Variants in EPHA6 observed in about 807,000 individuals in gnomAD.
EPHA6 encodes ephrin type-A receptor 6.
EPHA6 carries 50 observed loss-of-function variants against 112.0 expected under a neutral mutation model. The ratio of observed to expected loss-of-function variants is 0.45; its 90% CI spans 0.36 to 0.56. The LOEUF (loss-of-function observed/expected upper bound fraction) is 0.56, where lower values mean the gene tolerates loss of function less well. Among genes scored for constraint, EPHA6 ranks in the 20% least tolerant of loss-of-function variants. The probability of loss-of-function intolerance (pLI) is 0.00; values close to 1 mark genes in which losing one functional copy is unlikely to be tolerated. For synonymous variants in EPHA6, 529 were observed against 490.7 expected, an observed-to-expected ratio of 1.08 and a Z score of -1.03; for missense variants, 1,280 against 1,417.4, an observed-to-expected ratio of 0.90 and a Z score of 1.56.
At chr3:97,648,056 T>C (rs2094079234) in intron 14 of EPHA6, among the ~76,000 whole-genome samples, 1 of 152,102 alleles carries the variant, frequency 6.6e-6, no homozygotes, top group Admixed American at 6.6e-5. Context: ...CAAAGCAAAA[T>C]AGAAGAATCA....
chr3:97,189,394 C>A (rs183520630), intron 3 of EPHA6, among the ~76,000 whole-genome samples: 38 of 152,022 alleles, frequency 2.5e-4, no homozygotes, highest in Admixed American at 2.4e-3. Context: ...TGAGGGTTTT[C>A]TGAAATAAAA....
At chr3:97,582,460 AT>A (rs2107292854) in intron 11 of EPHA6, among the ~76,000 whole-genome samples, 1 of 152,260 alleles carries the variant, frequency 6.6e-6, no homozygotes, top group African/African-American at 2.4e-5. Flanking sequence ...CACCATGCAC[AT>A]TTGCAGGTAG....
chr3:97,696,565 A>C (rs557942291), intron 14 of EPHA6, among the ~76,000 whole-genome samples: 1 of 152,314 alleles, frequency 6.6e-6, no homozygotes, highest in East Asian at 1.9e-4. Flanking sequence ...ATCCCTTTGA[A>C]GAAAACCTCT....
intron 3 of EPHA6, among the ~76,000 whole-genome samples, chr3:97,126,897 G>GA (rs11463537): frequency 0.48 from 60,137 of 126,148 alleles, 14,648 homozygotes; most frequent in African/African-American, 0.67. Context: ...GGGAGAAGGT[G>GA]AAAAAAAAAA....
chr3:97,095,774 A>G (rs2108244476), intron 3 of EPHA6, among the ~76,000 whole-genome samples: 1 of 152,086 alleles, frequency 6.6e-6, no homozygotes, highest in South Asian at 2.1e-4. Context: ...AATAAAAAAA[A>G]AAACAAGCAA....
intron 4 of EPHA6, among the ~76,000 whole-genome samples, chr3:97,239,392 C>T (rs1310356645): frequency 1.3e-5 from 2 of 151,856 alleles, no homozygotes; most frequent in African/African-American, 2.4e-5. Flanking sequence ...CACCAATCCA[C>T]TCCCCACTTG....
chr3:97,581,524 A>G (rs1361104680), intron 11 of EPHA6, among the ~76,000 whole-genome samples: 2 of 152,260 alleles, frequency 1.3e-5, no homozygotes, highest in Admixed American at 1.3e-4. Flanking sequence ...CTATACTGCA[A>G]GTTAAAAATG....
intron 3 of EPHA6, among the ~76,000 whole-genome samples, chr3:97,161,008 A>G (rs1011500102): frequency 6.6e-6 from 1 of 152,130 alleles, no homozygotes; most frequent in African/African-American, 2.4e-5. Context: ...AGGAGTGGGG[A>G]TCATGGGTAT....
At chr3:97,282,351 G>A (rs1162674824) in intron 5 of EPHA6, among the ~76,000 whole-genome samples, 1 of 152,162 alleles carries the variant, frequency 6.6e-6, no homozygotes, top group Non-Finnish European at 1.5e-5. Context: ...TGCCGGCGAG[G>A]CTGTGGAGAA....
intron 3 of EPHA6, among the ~76,000 whole-genome samples, chr3:97,105,870 T>C (rs1316108040): frequency 6.6e-6 from 1 of 152,128 alleles, no homozygotes; most frequent in Non-Finnish European, 1.5e-5. Context: ...GATAGTTAAG[T>C]CTTGTTGAAT....
chr3:97,684,907 G>A lies in EPHA6; in HGVS notation c.2785-35354G>A, dbSNP rs368999547. 1.8e-4 allele frequency among the ~76,000 whole-genome samples: 27 copies of A among 152,258 alleles called. No homozygotes were observed. In the South Asian group the frequency reaches 3.7e-3, roughly 21 times the overall value. ...ATTTTTGATAATGTGATAATACAGC[G>A]TGTACAATTTTAAAAACCCCATACC... On this transcript the variant is annotated intron_variant, in intron 14 of 17. Transcript: ENST00000389672.
chr3:96,945,377 C>T (rs560799479), intron 2 of EPHA6, among the ~76,000 whole-genome samples: 1 of 152,314 alleles, frequency 6.6e-6, no homozygotes, highest in East Asian at 1.9e-4. Context: ...GTTGTCTGAA[C>T]TGCAAAGCCA....
At chr3:97,497,146 G>A (rs544949591) in intron 10 of EPHA6, among the ~76,000 whole-genome samples, 10 of 152,268 alleles carry the variant, frequency 6.6e-5, no homozygotes, top group Non-Finnish European at 1.2e-4. Flanking sequence ...ACCAGATTGT[G>A]TCCCTCTCTG....
At chr3:97,364,452 A>G (rs1429334432) in intron 5 of EPHA6, among the ~76,000 whole-genome samples, 1 of 151,958 alleles carries the variant, frequency 6.6e-6, no homozygotes, top group African/African-American at 2.4e-5. Context: ...TATAGATAAA[A>G]ATAAGGCAGA....
intron 6 of EPHA6, among the ~76,000 whole-genome samples, chr3:97,419,904 G>A (rs1029301234): frequency 1.3e-5 from 2 of 151,928 alleles, no homozygotes; most frequent in Non-Finnish European, 2.9e-5. Context: ...CTGGGAAGCC[G>A]CTAGAAATCA....
intron 10 of EPHA6, among the ~76,000 whole-genome samples, chr3:97,510,976 T>G (rs1314845270): frequency 6.6e-6 from 1 of 152,218 alleles, no homozygotes; most frequent in East Asian, 1.9e-4. Flanking sequence ...CCCAGCAGCT[T>G]TGTTTACACT....
At chr3:97,145,111 T>C (rs546620239) in intron 3 of EPHA6, among the ~76,000 whole-genome samples, 293 of 151,634 alleles carry the variant, frequency 1.9e-3, no homozygotes, top group Middle Eastern at 6.8e-3. Context: ...GTATATTTAA[T>C]ATAGAGTAAA....
At chr3:97,487,929 A>G (rs897237522) in intron 10 of EPHA6, among the ~76,000 whole-genome samples, 2 of 152,170 alleles carry the variant, frequency 1.3e-5, no homozygotes, top group Admixed American at 6.5e-5. Flanking sequence ...GAGAATCATT[A>G]TTTTATACAT....
At chr3:96,840,541 T>G (rs1576111146) in intron 1 of EPHA6, among the ~76,000 whole-genome samples, 1 of 151,998 alleles carries the variant, frequency 6.6e-6, no homozygotes, top group Non-Finnish European at 1.5e-5. Flanking sequence ...AGCAGCAGTT[T>G]TAGAGATCTG....
Sources: allele counts gnomAD v4.1 joint callset (sites outside exome capture counted in the v4.1 genomes callset), GRCh38; gene constraint gnomAD v4.1.1; transcripts MANE v1.5; gene names NCBI Gene and HGNC (gene_info 2026-07-23, HGNC 2026-07-21).